The following RFX3 variants were observed in gnomAD, a reference collection of about 807,000 sequenced individuals.
RFX3 encodes transcription factor RFX3.
RFX3 carries 14 observed loss-of-function variants against 98.6 expected under a neutral mutation model. The ratio of observed to expected loss-of-function variants is 0.14; its 90% confidence interval spans 0.09 to 0.22. The LOEUF (loss-of-function observed/expected upper bound fraction) is 0.22, where lower values mean the gene tolerates loss of function less well. RFX3 is among the 10% of genes least tolerant of loss of function. The pLI, the probability that RFX3 is intolerant of heterozygous loss-of-function variation, is 1.00. For synonymous variants in RFX3, 383 were observed against 328.4 expected (o/e 1.17, Z -1.80); for missense variants, 639 against 926.9 (o/e 0.69, Z 4.03).
At chr9:3,267,415 G>C (rs1003706914) in intron 11 of RFX3, among the ~76,000 whole-genome samples, 1 of 152,010 alleles carries the variant, frequency 6.6e-6, no homozygotes, top group African/African-American at 2.4e-5. Flanking sequence ...GCTCAAATGA[G>C]TCTGACATGA....
intron 1 of RFX3, among the ~76,000 whole-genome samples, chr9:3,505,290 A>T (rs1237663352): frequency 3.4e-5 from 3 of 88,290 alleles, no homozygotes; most frequent in Non-Finnish European, 5.5e-5. Flanking sequence ...ATACATTTTT[A>T]TATTTATATA....
intron 1 of RFX3, among the ~76,000 whole-genome samples, chr9:3,506,655 G>C (rs920043764): frequency 1.3e-5 from 2 of 151,610 alleles, no homozygotes; most frequent in African/African-American, 2.4e-5. Flanking sequence ...AACAAGTCTG[G>C]AATTATATCT....
chr9:3,463,488 T>C (rs576320923), intron 1 of RFX3, among the ~76,000 whole-genome samples: 1 of 151,370 alleles, frequency 6.6e-6, no homozygotes, highest in African/African-American at 2.4e-5. Context: ...AGGAAAAAAA[T>C]CAATAAATTG....
intron 1 of RFX3, among the ~76,000 whole-genome samples, chr9:3,514,120 A>G (rs1373803584): frequency 1.3e-5 from 2 of 152,222 alleles, no homozygotes; most frequent in East Asian, 3.8e-4. Context: ...AATGTGAGAC[A>G]CTATTAAAAA....
chr9:3,504,459 C>T (rs1459112460), intron 1 of RFX3, among the ~76,000 whole-genome samples: 1 of 123,822 alleles, frequency 8.1e-6, no homozygotes, highest in Non-Finnish European at 1.6e-5. Flanking sequence ...ATATTATATG[C>T]CATATGGTAT....
chr9:3,492,964 C>G (rs1850830076), intron 1 of RFX3, among the ~76,000 whole-genome samples: 2 of 152,062 alleles, frequency 1.3e-5, no homozygotes, highest in East Asian at 3.9e-4. Flanking sequence ...TCCCCACATC[C>G]TATTTACAAG....
At chr9:3,344,728 T>C in intron 3 of RFX3, 1 of 593,086 alleles carries the variant, frequency 1.7e-6, no homozygotes, top group East Asian at 3.0e-5. Context: ...AACTGACAAC[T>C]GGGTGACCTC....
chr9:3,426,687 T>A (rs1255244267), intron 1 of RFX3, among the ~76,000 whole-genome samples: 1 of 152,132 alleles, frequency 6.6e-6, no homozygotes, highest in Non-Finnish European at 1.5e-5. Context: ...ATGCGAGGGA[T>A]CTAGGTTGCA....
chr9:3,464,079 G>A (rs1244822875), intron 1 of RFX3, among the ~76,000 whole-genome samples: 1 of 152,088 alleles, frequency 6.6e-6, no homozygotes, highest in Non-Finnish European at 1.5e-5. Context: ...ACAAAGTAAT[G>A]TAACTGTAAT....
intron 3 of RFX3, among the ~76,000 whole-genome samples, chr9:3,343,125 A>G (rs1324262141): frequency 6.6e-6 from 1 of 152,232 alleles, no homozygotes; most frequent in East Asian, 1.9e-4. Context: ...GATTACACAT[A>G]TTCATAAGTG....
At chr9:3,281,813 T>A (rs1825947596) in intron 7 of RFX3, among the ~76,000 whole-genome samples, 1 of 151,804 alleles carries the variant, frequency 6.6e-6, no homozygotes, top group South Asian at 2.1e-4. Flanking sequence ...GTAAAAGTAA[T>A]ATTCTGTCAA....
intron 1 of RFX3, among the ~76,000 whole-genome samples, chr9:3,498,327 GT>G (rs1851256186): frequency 6.6e-6 from 1 of 151,880 alleles, no homozygotes; most frequent in South Asian, 2.1e-4. Flanking sequence ...AAAAAATGTT[GT>G]TCATGTACAG....
At chr9:3,514,953 C>A (rs1818009106) in intron 1 of RFX3, among the ~76,000 whole-genome samples, 1 of 152,148 alleles carries the variant, frequency 6.6e-6, no homozygotes, top group Non-Finnish European at 1.5e-5. Context: ...GACCCTTAAA[C>A]TGACACGTCA....
chr9:3,464,312 T>A (rs1023500901), intron 1 of RFX3, among the ~76,000 whole-genome samples: 2 of 152,292 alleles, frequency 1.3e-5, no homozygotes, highest in East Asian at 1.9e-4. Flanking sequence ...CATATGTCCA[T>A]AAAAACACTT....
intron 15 of RFX3, among the ~76,000 whole-genome samples, chr9:3,235,453 T>C (rs1240817679): frequency 2.6e-5 from 4 of 152,184 alleles, no homozygotes; most frequent in African/African-American, 9.6e-5. Context: ...TACTGTAACA[T>C]ACCTATTGCT....
At chr9:3,381,571 G>C (rs890381184) in intron 2 of RFX3, among the ~76,000 whole-genome samples, 1 of 152,032 alleles carries the variant, frequency 6.6e-6, no homozygotes, top group Non-Finnish European at 1.5e-5. Context: ...ATTCACAAAT[G>C]GGACAATGCT....
chr9:3,313,638 G>A (rs540863487), intron 4 of RFX3, among the ~76,000 whole-genome samples: 5 of 152,258 alleles, frequency 3.3e-5, no homozygotes, highest in African/African-American at 1.2e-4. Flanking sequence ...AAGATTAGAC[G>A]AATGGCTAAC....
At position 3,330,510 on chromosome 9, in the gene RFX3, T is replaced by C. The variant is rs2130885764; in HGVS notation, c.223A>G (p.Thr75Ala). Residue 75 changes from threonine (T) to alanine (A), a missense_variant, in exon 4 of 17, where the codon ACA (threonine) becomes GCA (alanine). This residue lies in a region of RFX3 where 210 missense variants were observed against 197.7 expected (regional missense o/e 1.06). Coordinates refer to ENST00000617270, the MANE Select transcript of RFX3 (RefSeq NM_001282116.2). Reference protein sequence around the residue: ...TVYTNGAIRTTTYPYTETQMY... With the variant: ...TVYTNGAIRTATYPYTETQMY... ...TGTGTCTCTGTGTAAGGATACGTTG[T>C]TGTTCGGCTTTAGAAGAAGAAGAAA... is the stretch of plus-strand genomic sequence containing the variant. 6.2e-7 allele frequency: 1 copy of C among 1,603,810 alleles called. No individual in the cohort carries two copies. The highest frequency in any genetic ancestry group is 8.5e-7 in the Non-Finnish European group (1 of 1,172,086).
chr9:3,440,589 G>A lies in RFX3; in HGVS notation c.-8-44993C>T, dbSNP rs148114117. Among the ~76,000 whole-genome samples the A allele has an allele frequency of 4.4e-3, 665 of 152,206 alleles. 5 individuals are homozygous for A. The highest frequency in any genetic ancestry group is 0.015 in the African/African-American group (638 of 41,550). On this transcript the variant is annotated intron_variant, in intron 1 of 16. Coordinates refer to ENST00000617270, the MANE Select transcript of RFX3 (RefSeq NM_001282116.2). ...AAAAATACTTCTAAAAGAAATTAGA[G>A]GGCTAAGTAAAGAGGTATAACTTGT...
Sources: gnomAD v4.1 joint callset for allele counts (sites outside exome capture counted in the v4.1 genomes callset) on GRCh38, gnomAD v4.1.1 for gene constraint, gnomAD v4.1.1 regional missense constraint, MANE v1.5 for transcripts, NCBI Gene and HGNC (gene_info 2026-07-23, HGNC 2026-07-21) for gene names.